Variants in TRHDE observed in about 807,000 individuals in gnomAD.
The protein encoded by TRHDE is thyrotropin-releasing hormone-degrading ectoenzyme.
TRHDE carries 72 observed loss-of-function variants against 125.7 expected under a neutral mutation model. That is an observed-to-expected ratio of 0.57 (90% CI 0.47 to 0.70). TRHDE has a LOEUF of 0.70. TRHDE is among the 30% of genes least tolerant of loss of function. The pLI is 0.00. For missense variants in TRHDE, 1,110 were observed against 1,327.1 expected (o/e 0.84, Z 2.54); for synonymous variants, 509 against 509.1 (o/e 1.00, Z 0.00).
intron 12 of TRHDE, among the ~76,000 whole-genome samples, chr12:72,603,352 G>A (rs953610275): frequency 3.3e-5 from 5 of 152,034 alleles, no homozygotes; most frequent in African/African-American, 1.2e-4. Context: ...TGGTGTGCTC[G>A]TGTGTCTGTA....
chr12:72,359,072 T>C (rs919855724), intron 2 of TRHDE, among the ~76,000 whole-genome samples: 1 of 151,456 alleles, frequency 6.6e-6, no homozygotes, highest in Non-Finnish European at 1.5e-5. Context: ...ACAAGAGAGT[T>C]TCCTAACATG....
intron 3 of TRHDE, among the ~76,000 whole-genome samples, chr12:72,380,619 G>A (rs1872096800): frequency 1.3e-5 from 2 of 152,160 alleles, no homozygotes; most frequent in Admixed American, 6.5e-5. Context: ...GGAGCAGAGT[G>A]AGTAAAGGGG....
At chr12:72,367,047 G>T (rs368566634) in intron 2 of TRHDE, among the ~76,000 whole-genome samples, 1 of 151,998 alleles carries the variant, frequency 6.6e-6, no homozygotes, top group Non-Finnish European at 1.5e-5. Context: ...GGTAGTTGTG[G>T]TTTTCATATC....
At chr12:72,634,910 C>G (rs539065163) in intron 15 of TRHDE, among the ~76,000 whole-genome samples, 1 of 152,054 alleles carries the variant, frequency 6.6e-6, no homozygotes. Context: ...ATTGATGGAC[C>G]TTTGGGTTGG....
chr12:72,484,324 C>T (rs1171256832), intron 5 of TRHDE, among the ~76,000 whole-genome samples: 1 of 152,004 alleles, frequency 6.6e-6, no homozygotes, highest in Non-Finnish European at 1.5e-5. Context: ...TTCTTACCAC[C>T]AAAGTAGGTA....
intron 2 of TRHDE, among the ~76,000 whole-genome samples, chr12:72,307,073 AG>A (rs1337344179): frequency 6.6e-6 from 1 of 152,090 alleles, no homozygotes; most frequent in African/African-American, 2.4e-5. Context: ...AGGGCCTTCT[AG>A]GTGGGTATAG....
chr12:72,570,675 C>T (rs886574771), intron 10 of TRHDE, among the ~76,000 whole-genome samples: 2 of 149,730 alleles, frequency 1.3e-5, no homozygotes. Flanking sequence ...CCTTTACAGT[C>T]TTTCATTATT....
At chr12:72,362,391 C>G (rs986483510) in intron 2 of TRHDE, among the ~76,000 whole-genome samples, 1 of 150,060 alleles carries the variant, frequency 6.7e-6, no homozygotes, top group African/African-American at 2.4e-5. Context: ...ATGTCCTTTG[C>G]CCACTTTTTG....
intron 7 of TRHDE, among the ~76,000 whole-genome samples, chr12:72,561,017 G>C (rs1870151161): frequency 6.6e-6 from 1 of 152,166 alleles, no homozygotes; most frequent in Non-Finnish European, 1.5e-5. Context: ...TTAGGATTCA[G>C]AATGGTTATT....
At chr12:72,347,419 C>G (rs1048701354) in intron 2 of TRHDE, among the ~76,000 whole-genome samples, 7 of 152,074 alleles carry the variant, frequency 4.6e-5, no homozygotes, top group African/African-American at 1.7e-4. Context: ...CAAATTACCT[C>G]AAAATTTAGT....
chr12:72,513,699 AT>A (rs953521370), intron 6 of TRHDE, among the ~76,000 whole-genome samples: 9 of 151,714 alleles, frequency 5.9e-5, no homozygotes, highest in African/African-American at 1.5e-4. Context: ...AGACACAGAG[AT>A]TTTTTTTTAA....
chr12:72,668,168 T>G lies in TRHDE; in HGVS notation c.*4973T>G, dbSNP rs541899022. 4.7e-4 allele frequency: 71 copies of G among 151,870 alleles called. No homozygotes were observed. Among genetic ancestry groups the G allele is most frequent in the African/African-American group, 1.5e-3 (64 of 41,552 alleles). 9.4% of individuals were successfully genotyped at this position (151,870 alleles called of 1,614,324 possible). On this transcript the variant is annotated 3_prime_UTR_variant, in exon 19 of 19. Coordinates refer to ENST00000261180, the MANE Select transcript of TRHDE (RefSeq NM_013381.3). ...GAAGTTTTTTAAAATATTAAGTATT[T>G]TATTTAATGTGATATAGATTCAGGA...
intron 2 of TRHDE, among the ~76,000 whole-genome samples, chr12:72,295,547 A>G (rs1227485557): frequency 6.6e-6 from 1 of 152,014 alleles, no homozygotes; most frequent in Non-Finnish European, 1.5e-5. Flanking sequence ...GACTGACTAC[A>G]ATAGGAAGGA....
At chr12:72,212,794 C>T (rs1877810237) in intron 2 of TRHDE, among the ~76,000 whole-genome samples, 1 of 152,118 alleles carries the variant, frequency 6.6e-6, no homozygotes, top group Admixed American at 6.6e-5. Flanking sequence ...AAATGCTAAA[C>T]ATAGAGTTAT....
intron 2 of TRHDE, among the ~76,000 whole-genome samples, chr12:72,193,341 C>T (rs1348672560): frequency 1.3e-5 from 2 of 151,924 alleles, no homozygotes; most frequent in African/African-American, 4.8e-5. Context: ...GAACCCCTAA[C>T]ACTGTATTTA....
intron 12 of TRHDE, among the ~76,000 whole-genome samples, chr12:72,606,533 ACT>A (rs1192376367): frequency 6.6e-6 from 1 of 152,192 alleles, no homozygotes; most frequent in African/African-American, 2.4e-5. Context: ...GAAAGGAAAT[ACT>A]GTTTCCCCCA....
chr12:72,627,501 C>T (rs578171728), intron 15 of TRHDE, among the ~76,000 whole-genome samples: 22 of 151,906 alleles, frequency 1.4e-4, no homozygotes, highest in African/African-American at 3.9e-4. Flanking sequence ...CTGGCATTCA[C>T]AGTTATCATC....
At position 72,104,160 on chromosome 12, in the gene TRHDE, G is replaced by C. The variant is rs1269105420; in HGVS notation, n.175-1488G>C. Among the ~76,000 whole-genome samples, 5 of 152,274 alleles carry C rather than the reference G, an allele frequency of 3.3e-5. No individual in the cohort carries two copies. The East Asian group carries it at 9.6e-4, about 29-fold the overall frequency. ...AGATAAGCTTACAATGGGTGTTCAA[G>C]CATAAATTTTATTATTTACTCTTAT... On this transcript the variant is annotated intron_variant and non_coding_transcript_variant, in intron 1 of 4. Coordinates refer to the TRHDE transcript ENST00000548156.
rs556464759 is a variant in TRHDE at position 72,639,767 on chromosome 12, G to A, written c.2676-12555G>A. ...TCTGTTGGAGTACCCGGCCGTGTGAGGTGTCAGTCTGCCCCTGCTAGGGGG... is the reference window on the plus strand; with the variant it reads ...TCTGTTGGAGTACCCGGCCGTGTGAAGTGTCAGTCTGCCCCTGCTAGGGGG... On this transcript the variant is annotated intron_variant, in intron 15 of 18. Coordinates refer to ENST00000261180, the MANE Select transcript of TRHDE (RefSeq NM_013381.3). Among the ~76,000 whole-genome samples, 5 of 152,232 alleles carry A rather than the reference G, an allele frequency of 3.3e-5. No individual in the cohort carries two copies. In the South Asian group the frequency reaches 8.3e-4, roughly 25 times the overall value.
Sources: allele counts gnomAD v4.1 joint callset (sites outside exome capture counted in the v4.1 genomes callset), GRCh38; gene constraint gnomAD v4.1.1; transcripts MANE v1.5; gene names NCBI Gene and HGNC (gene_info 2026-07-23, HGNC 2026-07-21).